Variants in LPCAT1 observed in about 807,000 individuals in gnomAD.
LPCAT1 encodes 1-acylglycerol-3-phosphate O-acyltransferase.
A neutral mutation model predicts 60.9 loss-of-function variants in LPCAT1; 23 were observed. The observed-to-expected ratio is 0.38, with a 90% CI of 0.27 to 0.53. The LOEUF (loss-of-function observed/expected upper bound fraction) is 0.53, where lower values mean the gene tolerates loss of function less well. LPCAT1 is among the 20% of genes least tolerant of loss of function. The pLI, the probability that LPCAT1 is intolerant of heterozygous loss-of-function variation, is 0.82. For synonymous variants in LPCAT1, 340 were observed against 301.1 expected (o/e 1.13, Z -1.34); for missense variants, 622 against 723.6 (o/e 0.86, Z 1.61).
At chr5:1,475,166 C>T (rs948206121) in intron 9 of LPCAT1, among the ~76,000 whole-genome samples, 7 of 152,248 alleles carry the variant, frequency 4.6e-5, no homozygotes, top group African/African-American at 1.7e-4. Context: ...CCCAGAGCTG[C>T]TCTGACCGTG....
In LPCAT1 at chr5:1,488,467, A is replaced by T; in HGVS notation, c.607-16T>A. ...AAATCATTATCTGGAAGTGGGAGAA[A>T]GAAAAGGATCAGCATTAAACTGTAC... On this transcript the variant is annotated splice_polypyrimidine_tract_variant and intron_variant, in intron 4 of 13. Coordinates refer to ENST00000283415, the MANE Select transcript of LPCAT1 (RefSeq NM_024830.5). The T allele has an allele frequency of 6.4e-7, 1 of 1,560,430 alleles. No homozygotes were observed. The highest frequency in any genetic ancestry group is 1.4e-5 in the African/African-American group (1 of 73,244).
chr5:1,504,654 T>C (rs1002128012), intron 1 of LPCAT1, among the ~76,000 whole-genome samples: 6 of 132,452 alleles, frequency 4.5e-5, no homozygotes, highest in African/African-American at 1.5e-4. Flanking sequence ...TCAGAGGTTG[T>C]GGGGAGCTGA....
intron 12 of LPCAT1, among the ~76,000 whole-genome samples, chr5:1,469,813 C>T (rs539852285): frequency 5.9e-5 from 9 of 152,120 alleles, no homozygotes; most frequent in African/African-American, 2.2e-4. Context: ...CAACAGGGCA[C>T]AGTGAAAGCA....
chr5:1,464,880 C>CACA (rs144783441), intron 13 of LPCAT1, among the ~76,000 whole-genome samples: 109,608 of 150,416 alleles, frequency 0.73, 39,964 homozygotes, highest in South Asian at 0.83. Flanking sequence ...CGTGTACACA[C>CACA]AAACAAGTGC....
intron 1 of LPCAT1, among the ~76,000 whole-genome samples, chr5:1,507,267 C>T (rs1358663157): frequency 6.6e-6 from 1 of 152,202 alleles, no homozygotes; most frequent in African/African-American, 2.4e-5. Context: ...TGTGGGCCGG[C>T]TGTCACCACA....
intron 12 of LPCAT1, among the ~76,000 whole-genome samples, chr5:1,469,145 G>A (rs1734565961): frequency 6.6e-6 from 1 of 152,214 alleles, no homozygotes; most frequent in South Asian, 2.1e-4. Flanking sequence ...AGCCATATCA[G>A]CGGCCTGGAA....
chr5:1,475,014 T>C (rs1030639462), intron 9 of LPCAT1, among the ~76,000 whole-genome samples: 10 of 151,724 alleles, frequency 6.6e-5, no homozygotes, highest in African/African-American at 2.4e-4. Flanking sequence ...ATTACCAACA[T>C]GTGACCCAGA....
chr5:1,511,730 CCT>C (rs1167305934), intron 1 of LPCAT1, among the ~76,000 whole-genome samples: 1 of 152,182 alleles, frequency 6.6e-6, no homozygotes, highest in Non-Finnish European at 1.5e-5. Context: ...CCAGGGAATC[CCT>C]GAGTGGGATC....
intron 1 of LPCAT1, among the ~76,000 whole-genome samples, chr5:1,520,243 C>T (rs1473403555): frequency 6.6e-6 from 1 of 152,350 alleles, no homozygotes; most frequent in African/African-American, 2.4e-5. Flanking sequence ...GCTGAGAGGG[C>T]GGAGTCCTGC....
At position 1,502,344 on chromosome 5, in the gene LPCAT1, C is replaced by T. The variant is rs1271872752; in HGVS notation, c.136-741G>A. On this transcript the variant is annotated intron_variant, in intron 1 of 13. Coordinates refer to ENST00000283415, the MANE Select transcript of LPCAT1 (RefSeq NM_024830.5). The surrounding 1 kb of genome is among the most constrained non-coding windows in gnomAD (Gnocchi z 5.5). ...GTTTATGTGGACATGAGAAAGCATA[C>T]GCCACCCTAGGCAGTGTTGGTGACA... 1.3e-5 allele frequency among the ~76,000 whole-genome samples: 2 copies of T among 152,168 alleles called. No individual in the cohort carries two copies. The highest frequency in any genetic ancestry group is 4.8e-5 in the African/African-American group (2 of 41,414).
chr5:1,474,573 C>G lies in LPCAT1; in HGVS notation c.1012G>C (p.Val338Leu). Reference protein sequence around the residue: ...DTCLLEFARLVRGLGLKPEKL... With the variant: ...DTCLLEFARLLRGLGLKPEKL... ...CCAGGTACTCACCCGAGGCCCCGCACGAGCCTGGCAAATTCTAAAAGGCAA... is the reference window on the plus strand; with the variant it reads ...CCAGGTACTCACCCGAGGCCCCGCAGGAGCCTGGCAAATTCTAAAAGGCAA... The change falls in exon 10 of 14, where the codon GTG becomes CTG. Residue 338 changes from valine (V) to leucine (L), a missense_variant. By Grantham distance (32) the Val-to-Leu change is conservative. Transcript: ENST00000283415. 1 of 1,613,942 alleles carries G rather than the reference C, an allele frequency of 6.2e-7. No homozygotes were observed. Among genetic ancestry groups the G allele is most frequent in the Non-Finnish European group, 8.5e-7 (1 of 1,180,016 alleles).
chr5:1,470,808 T>G lies in LPCAT1; in HGVS notation c.1278+18A>C, dbSNP rs760041233. 1 of 1,609,110 alleles carries G rather than the reference T, an allele frequency of 6.2e-7. No homozygotes were observed. Among genetic ancestry groups the G allele is most frequent in the Non-Finnish European group, 8.5e-7 (1 of 1,176,542 alleles). On this transcript the variant is annotated intron_variant, in intron 12 of 13. Transcript: ENST00000283415. Reference sequence around the variant, plus strand: ...CCGCCCTGTCCCCCAGTCAAACCCATGTGAACTCTGCACTCACCTTGAAAG... The same window carrying G: ...CCGCCCTGTCCCCCAGTCAAACCCAGGTGAACTCTGCACTCACCTTGAAAG...
At chr5:1,493,565 C>T (rs573396893) in intron 3 of LPCAT1, among the ~76,000 whole-genome samples, 34 of 152,386 alleles carry the variant, frequency 2.2e-4, no homozygotes, top group African/African-American at 7.7e-4. Flanking sequence ...CCCTCAGCAC[C>T]GCCCACTGCC....
In LPCAT1 at chr5:1,509,095, T is replaced by C. The variant is rs567180802; in HGVS notation, c.136-7492A>G. ...TGTCACACTGCAGTGCCCCAGCCAG[T>C]GAAGGGGCTCCAATGCACCTGCAAC... is the stretch of plus-strand genomic sequence containing the variant. On this transcript the variant is annotated intron_variant, in intron 1 of 13. Transcript: ENST00000283415. Among the ~76,000 whole-genome samples, 27 of 152,312 alleles carry C rather than the reference T, an allele frequency of 1.8e-4. No homozygotes were observed. In the East Asian group the frequency reaches 4.8e-3, roughly 27 times the overall value.
At chr5:1,504,138 AC>A (rs1378541717) in intron 1 of LPCAT1, among the ~76,000 whole-genome samples, 1 of 152,236 alleles carries the variant, frequency 6.6e-6, no homozygotes, top group African/African-American at 2.4e-5. Context: ...TTTCAGAAAT[AC>A]CTTATTTCCT....
intron 9 of LPCAT1, among the ~76,000 whole-genome samples, chr5:1,475,095 C>T (rs1734848242): frequency 6.6e-6 from 1 of 152,210 alleles, no homozygotes; most frequent in South Asian, 2.1e-4. Flanking sequence ...TTGCCACAAA[C>T]GTGAAGCAAC....
In LPCAT1 at chr5:1,484,536, G is replaced by A. The variant is rs755483398; in HGVS notation, c.668-1050C>T. ...AGCGCGTTCCTCCCAGGCTGCCAGC[G>A]AGTGCCACTATGTGGTCAGGAATTT... is the stretch of plus-strand genomic sequence containing the variant. On this transcript the variant is annotated intron_variant, in intron 5 of 13. Transcript: ENST00000283415. Among the ~76,000 whole-genome samples, 9 of 152,298 alleles carry A rather than the reference G, an allele frequency of 5.9e-5. No homozygotes were observed. The South Asian group carries it at 6.2e-4, about 11-fold the overall frequency.
chr5:1,500,897 G>C (rs1290635418), intron 2 of LPCAT1, among the ~76,000 whole-genome samples: 2 of 152,230 alleles, frequency 1.3e-5, no homozygotes, highest in Admixed American at 6.5e-5. Flanking sequence ...ACCCGCACCA[G>C]GTCCAGCTGC....
chr5:1,489,939 A>G, intron 3 of LPCAT1, 81 bp from the exon 4 acceptor site: 1 of 1,022,152 alleles, frequency 9.8e-7, no homozygotes, highest in Non-Finnish European at 1.6e-6. Context: ...GGGCTGCTGC[A>G]TGGCGCCCAG....
Sources: allele counts gnomAD v4.1 joint callset (sites outside exome capture counted in the v4.1 genomes callset), GRCh38; gene constraint gnomAD v4.1.1; non-coding constraint Gnocchi (gnomAD v3.1); transcripts MANE v1.5; gene names NCBI Gene and HGNC (gene_info 2026-07-23, HGNC 2026-07-21).